The following SAMD12 variants were observed in gnomAD, a reference collection of about 807,000 sequenced individuals.
SAMD12 encodes sterile alpha motif domain containing 12, also known as sterile alpha motif domain-containing protein 12.
A neutral mutation model predicts 15.0 loss-of-function variants in SAMD12; 9 were observed. The observed-to-expected ratio is 0.60, with a 90% CI of 0.36 to 1.05. The LOEUF (loss-of-function observed/expected upper bound fraction) is 1.05. Ranked by LOEUF, SAMD12 falls within the 50% of genes least tolerant of loss-of-function variation. The pLI, the probability that SAMD12 is intolerant of heterozygous loss-of-function variation, is 0.01. For synonymous variants in SAMD12, 86 were observed against 90.1 expected (o/e 0.96, Z 0.25); for missense variants, 230 against 234.2 (o/e 0.98, Z 0.12).
intron 2 of SAMD12, among the ~76,000 whole-genome samples, chr8:118,498,846 G>C (rs1824700333): frequency 6.6e-6 from 1 of 152,204 alleles, no homozygotes; most frequent in African/African-American, 2.4e-5. Flanking sequence ...GATAGACCTA[G>C]AGGACAGTCA....
rs140295690 is a variant in SAMD12, at chr8:118,378,181, T to C, written c.*1236A>G. 1.1e-3 allele frequency: 164 copies of C among 154,904 alleles called. 6 individuals are homozygous for C. In the South Asian group the frequency reaches 0.032, roughly 30 times the overall value. The allele number at this position is 154,904 out of a possible 1,614,324, so 9.6% of individuals were successfully genotyped here. On this transcript the variant is annotated 3_prime_UTR_variant, in exon 4 of 4. Transcript: ENST00000314727. Reference sequence around the variant, plus strand: ...TGTTGTCATGTATTCTTTAAAGATGTAATTTTAATAACTGGGCATTATACT... The same window carrying C: ...TGTTGTCATGTATTCTTTAAAGATGCAATTTTAATAACTGGGCATTATACT...
intron 2 of SAMD12, among the ~76,000 whole-genome samples, chr8:118,550,567 C>A (rs1293881481): frequency 6.6e-6 from 1 of 152,162 alleles, no homozygotes; most frequent in African/African-American, 2.4e-5. Flanking sequence ...CCAGCCGCTG[C>A]AAAATCATGC....
intron 2 of SAMD12, among the ~76,000 whole-genome samples, chr8:118,513,923 C>A (rs1825155486): frequency 6.6e-6 from 1 of 152,128 alleles, no homozygotes; most frequent in Admixed American, 6.5e-5. Flanking sequence ...TCCATCCCAG[C>A]CTATTATTTC....
chr8:118,132,972 G>GTGTGTGTA, the SAMD12 span, among the ~76,000 whole-genome samples: 1 of 48,252 alleles, frequency 2.1e-5, no homozygotes, highest in African/African-American at 7.2e-5. Context: ...GTGTGTGTGT[G>GTGTGTGTA]TATATATATA....
chr8:118,413,711 G>T (rs1226146066), intron 3 of SAMD12, among the ~76,000 whole-genome samples: 1 of 152,032 alleles, frequency 6.6e-6, no homozygotes, highest in African/African-American at 2.4e-5. Flanking sequence ...TTCATCCCAG[G>T]CTCTATGGCA....
intron 4 of SAMD12, among the ~76,000 whole-genome samples, chr8:118,269,315 G>A (rs1813289482): frequency 6.6e-6 from 1 of 151,040 alleles, no homozygotes. Context: ...CTGTTTTTGA[G>A]AATGTTTTAG....
intron 3 of SAMD12, among the ~76,000 whole-genome samples, chr8:118,418,668 G>A (rs988650795): frequency 2.0e-5 from 3 of 151,580 alleles, no homozygotes; most frequent in South Asian, 2.1e-4. Flanking sequence ...GCAGTGAGCC[G>A]AGATTGCGCC....
chr8:118,511,319 G>A (rs567687771), intron 2 of SAMD12, among the ~76,000 whole-genome samples: 18 of 152,262 alleles, frequency 1.2e-4, no homozygotes, highest in Middle Eastern at 3.4e-3. Flanking sequence ...ATATGAAGGC[G>A]AAAACCATTA....
At chr8:118,543,627 C>CTTTCTTTTTT (rs1277551933) in intron 2 of SAMD12, among the ~76,000 whole-genome samples, 1,313 of 116,858 alleles carry the variant, frequency 0.011, 19 homozygotes, top group Non-Finnish European at 0.016. Flanking sequence ...TTCTTTCTTT[C>CTTTCTTTTTT]TTTCTTTTTT....
intron 1 of SAMD12, among the ~76,000 whole-genome samples, chr8:118,594,226 G>A (rs1216115863): frequency 7.9e-6 from 1 of 126,890 alleles, no homozygotes. Flanking sequence ...GTGGTCCTCA[G>A]CAAAATGAAG....
intron 2 of SAMD12, among the ~76,000 whole-genome samples, chr8:118,568,574 C>T (rs1304080128): frequency 6.6e-6 from 1 of 151,996 alleles, no homozygotes; most frequent in Non-Finnish European, 1.5e-5. Context: ...GAAGAAAACC[C>T]TCAAGTGAGA....
chr8:118,566,251 C>T (rs947941129), intron 2 of SAMD12, among the ~76,000 whole-genome samples: 1 of 152,160 alleles, frequency 6.6e-6, no homozygotes, highest in Non-Finnish European at 1.5e-5. Flanking sequence ...GCAGATCCTG[C>T]GCCCATCTTC....
intron 2 of SAMD12, among the ~76,000 whole-genome samples, chr8:118,534,847 T>TG (rs1825793482): frequency 1.3e-5 from 2 of 152,222 alleles, no homozygotes; most frequent in African/African-American, 4.8e-5. Context: ...ATTCATCCAA[T>TG]GTTTTTTTCA....
intron 2 of SAMD12, among the ~76,000 whole-genome samples, chr8:118,531,593 T>C (rs1825686060): frequency 6.6e-6 from 1 of 152,228 alleles, no homozygotes; most frequent in Admixed American, 6.5e-5. Context: ...TTGTGTCCTC[T>C]TTTATTTTGT....
chr8:118,555,127 G>T (rs1826487070), intron 2 of SAMD12, among the ~76,000 whole-genome samples: 1 of 152,158 alleles, frequency 6.6e-6, no homozygotes, highest in Non-Finnish European at 1.5e-5. Flanking sequence ...TCTGTTATTG[G>T]TTAGCAGAGC....
chr8:118,551,218 T>C (rs1220508239), intron 2 of SAMD12, among the ~76,000 whole-genome samples: 2 of 152,070 alleles, frequency 1.3e-5, no homozygotes, highest in Non-Finnish European at 2.9e-5. Flanking sequence ...ATCAAGAGAA[T>C]ATACATTTTT....
intron 3 of SAMD12, among the ~76,000 whole-genome samples, chr8:118,420,101 G>A (rs1401862721): frequency 6.6e-6 from 1 of 152,226 alleles, no homozygotes; most frequent in African/African-American, 2.4e-5. Context: ...GATTTCTTCT[G>A]CTGCTCATTT....
intron 4 of SAMD12, among the ~76,000 whole-genome samples, chr8:118,248,271 A>G (rs1812741197): frequency 6.6e-6 from 1 of 152,152 alleles, no homozygotes; most frequent in Admixed American, 6.6e-5. Context: ...TCTGTTCCCA[A>G]TATAGGGATC....
At chr8:118,411,615 A>AATACAT (rs55917603) in intron 3 of SAMD12, among the ~76,000 whole-genome samples, 51,680 of 151,522 alleles carry the variant, frequency 0.34, 9,383 homozygotes, top group African/African-American at 0.4. Context: ...TAGTTAAAGG[A>AATACAT]GTTTTGAAGA....
Sources: gnomAD v4.1 joint callset for allele counts (sites outside exome capture counted in the v4.1 genomes callset) on GRCh38, gnomAD v4.1.1 for gene constraint, MANE v1.5 for transcripts, NCBI Gene and HGNC (gene_info 2026-07-23, HGNC 2026-07-21) for gene names.